Variants in MEP1A observed in about 807,000 individuals in gnomAD.
The protein encoded by MEP1A is meprin A subunit alpha.
Under a neutral mutation model 84.5 loss-of-function variants are expected in MEP1A, and 68 were observed. That is an observed-to-expected ratio of 0.80 (90% CI 0.66 to 0.98). The LOEUF (loss-of-function observed/expected upper bound fraction) is 0.98, where lower values mean the gene tolerates loss of function less well. Ranked by LOEUF, MEP1A falls within the 50% of genes least tolerant of loss-of-function variation. The pLI is 0.00. For missense variants in MEP1A, 887 were observed against 919.9 expected, an observed-to-expected ratio of 0.96 and a Z score of 0.46; for synonymous variants, 337 against 336.8, an observed-to-expected ratio of 1.00 and a Z score of -0.01.
At chr6:46,844,268 C>A (rs1294798269), downstream of MEP1A, among the ~76,000 whole-genome samples, 1 of 152,006 alleles carries the variant, frequency 6.6e-6, no homozygotes, top group Non-Finnish European at 1.5e-5. Context: ...TGCCAGTGAC[C>A]TCTAATGAGT....
chr6:46,820,355 C>T (rs541631721), intron 7 of MEP1A, among the ~76,000 whole-genome samples: 3 of 152,034 alleles, frequency 2.0e-5, no homozygotes, highest in African/African-American at 4.8e-5. Context: ...CGTATTATTC[C>T]GTTGTATTAT....
chr6:46,807,565 A>AAGGAAGG (rs1767365936), intron 5 of MEP1A, among the ~76,000 whole-genome samples: 2 of 71,838 alleles, frequency 2.8e-5, no homozygotes, highest in Non-Finnish European at 5.2e-5. Flanking sequence ...AGAAAGAAAG[A>AAGGAAGG]AAGGAAGGAA....
At chr6:46,811,240 A>G (rs1306722380) in intron 6 of MEP1A, among the ~76,000 whole-genome samples, 1 of 151,976 alleles carries the variant, frequency 6.6e-6, no homozygotes, top group Non-Finnish European at 1.5e-5. Flanking sequence ...CTATTGTGAA[A>G]TGGGTTGAGT....
chr6:46,798,546 A>T, intron 3 of MEP1A, 60 bp from the exon 4 acceptor site: 1 of 1,286,278 alleles, frequency 7.8e-7, no homozygotes, highest in Non-Finnish European at 1.1e-6. Context: ...TTATTACGAA[A>T]GATGCCTTTT....
chr6:46,824,567 G>T (rs945061596), intron 7 of MEP1A, among the ~76,000 whole-genome samples: 1 of 136,654 alleles, frequency 7.3e-6, no homozygotes, highest in African/African-American at 2.7e-5. Flanking sequence ...ATATTAAATA[G>T]ATGTATTTAA....
intron 5 of MEP1A, among the ~76,000 whole-genome samples, chr6:46,808,942 C>CT (rs892257019): frequency 6.6e-6 from 1 of 151,988 alleles, no homozygotes; most frequent in African/African-American, 2.4e-5. Flanking sequence ...GAGAGAATGT[C>CT]TTTTTAGATT....
chr6:46,802,719 T>C (rs1382854216), intron 5 of MEP1A, among the ~76,000 whole-genome samples: 3 of 151,862 alleles, frequency 2.0e-5, no homozygotes, highest in Non-Finnish European at 4.4e-5. Context: ...ATGCCCTTTG[T>C]CAGATGGTAT....
At chr6:46,845,536 A>G in the MEP1A span, among the ~76,000 whole-genome samples, 1 of 152,230 alleles carries the variant, frequency 6.6e-6, no homozygotes, top group Non-Finnish European at 1.5e-5. Flanking sequence ...AATTATTTCT[A>G]CAGGGCCAGC....
downstream of MEP1A, among the ~76,000 whole-genome samples, chr6:46,842,970 G>A (rs1768359977): frequency 6.6e-6 from 1 of 152,174 alleles, no homozygotes. Context: ...AACCTGTTTT[G>A]TAGGTGTAGG....
At chr6:46,817,271 T>C (rs935086538) in intron 6 of MEP1A, among the ~76,000 whole-genome samples, 23 of 152,228 alleles carry the variant, frequency 1.5e-4, no homozygotes, top group Non-Finnish European at 4.4e-5. Context: ...CTTCATTTGC[T>C]GAGGCTGGGA....
chr6:46,819,889 A>T (rs996790272), intron 7 of MEP1A, among the ~76,000 whole-genome samples, 185 bp downstream of exon 7: 10 of 152,190 alleles, frequency 6.6e-5, no homozygotes, highest in African/African-American at 2.2e-4. Context: ...ATCGCAGATA[A>T]GGGCCTCAAG....
At chr6:46,808,373 A>C (rs1581670016) in intron 5 of MEP1A, among the ~76,000 whole-genome samples, 1 of 152,046 alleles carries the variant, frequency 6.6e-6, no homozygotes, top group East Asian at 1.9e-4. Flanking sequence ...TAGGCTGTGG[A>C]GTCTCCAACT....
Position 46,820,778 on chromosome 6 carries a change from A to G in MEP1A, c.556+1074A>G, listed in dbSNP as rs80158593. ...ATTGAGCAGCTTCCTGATGTGGTAGAAAAAAAAAAAGTCAATGCTGTGTTT... is the reference window on the plus strand; with the variant it reads ...ATTGAGCAGCTTCCTGATGTGGTAGGAAAAAAAAAAGTCAATGCTGTGTTT... On this transcript the variant is annotated intron_variant, in intron 7 of 13. Coordinates refer to ENST00000230588, the MANE Select transcript of MEP1A (RefSeq NM_005588.3). Among the ~76,000 whole-genome samples the G allele has an allele frequency of 1.4e-4, 19 of 138,566 alleles. No individual in the cohort carries two copies. In the East Asian group the frequency reaches 3.0e-3, roughly 22 times the overall value. The allele number at this position is 138,566 out of a possible 152,430, so 90.9% of individuals were successfully genotyped here.
At chr6:46,832,495 C>T (rs1338400494) in intron 10 of MEP1A, among the ~76,000 whole-genome samples, 1 of 152,160 alleles carries the variant, frequency 6.6e-6, no homozygotes, top group African/African-American at 2.4e-5. Flanking sequence ...CTCTATTTGG[C>T]TTACTTTGCT....
At chr6:46,838,343 G>T (rs766978096) in intron 13 of MEP1A, among the ~76,000 whole-genome samples, 4 of 152,242 alleles carry the variant, frequency 2.6e-5, no homozygotes, top group Admixed American at 6.5e-5. Flanking sequence ...GAGATTAGTT[G>T]ATCTTTATAC....
intron 8 of MEP1A, 65 bp downstream of exon 8, chr6:46,825,558 G>C: frequency 9.0e-7 from 1 of 1,111,102 alleles, no homozygotes; most frequent in Non-Finnish European, 1.3e-6. Flanking sequence ...CAGCCTTAGA[G>C]ATTTCCTTTA....
intron 10 of MEP1A, among the ~76,000 whole-genome samples, chr6:46,831,412 A>T (rs1768072247): frequency 6.6e-6 from 1 of 152,222 alleles, no homozygotes; most frequent in Non-Finnish European, 1.5e-5. Flanking sequence ...ACATGCACAC[A>T]CACACGTTTT....
At chr6:46,793,639 AAT>A (rs757372124) in intron 2 of MEP1A, 25 bp from the exon 3 acceptor site, 1 of 1,591,732 alleles carries the variant, frequency 6.3e-7, no homozygotes, top group Non-Finnish European at 8.6e-7. Context: ...CAAGACTAAT[AAT>A]AATTTTTTTT....
At position 46,829,491 on chromosome 6, in the gene MEP1A, C is replaced by T. The variant is rs752173784; in HGVS notation, c.1064C>T (p.Ser355Leu). ...QFFYKMTGSP[S>L]DRLVVWVRRD... ...TTCTATAAAATGACGGGAAGTCCTTCAGACAGACTCGTTGTCTGGGTCAGG... is the reference window on the plus strand; with the variant it reads ...TTCTATAAAATGACGGGAAGTCCTTTAGACAGACTCGTTGTCTGGGTCAGG... The change falls in exon 10 of 14, where the codon TCA becomes TTA. Residue 355 changes from serine (S) to leucine (L), a missense_variant. Physicochemically the swap from Ser to Leu is moderately radical, Grantham distance 145. Coordinates refer to ENST00000230588, the MANE Select transcript of MEP1A (RefSeq NM_005588.3). 5.6e-6 allele frequency: 9 copies of T among 1,614,128 alleles called. No individual in the cohort carries two copies. In the South Asian group the frequency reaches 7.7e-5, roughly 14 times the overall value.
Sources: gnomAD v4.1 joint callset for allele counts (sites outside exome capture counted in the v4.1 genomes callset) on GRCh38, gnomAD v4.1.1 for gene constraint, MANE v1.5 for transcripts, NCBI Gene and HGNC (gene_info 2026-07-23, HGNC 2026-07-21) for gene names.